CALN1: variants seen among roughly 807,000 people sequenced by gnomAD.
CALN1 encodes the protein calcium-binding protein 8.
Under a neutral mutation model 30.6 loss-of-function variants are expected in CALN1, and 17 were observed. The observed-to-expected ratio is 0.56, with a 90% CI of 0.38 to 0.83. The LOEUF is 0.83. Among genes scored for constraint, CALN1 ranks in the 40% least tolerant of loss-of-function variants. The pLI is 0.00. For missense variants in CALN1, 291 were observed against 354.9 expected (o/e 0.82, Z 1.45); for synonymous variants, 156 against 131.4 (o/e 1.19, Z -1.28).
chr7:72,450,989 G>A (rs569842804), upstream of CALN1, among the ~76,000 whole-genome samples: 34 of 152,026 alleles, frequency 2.2e-4, no homozygotes, highest in South Asian at 4.1e-4. Flanking sequence ...CCACCATGAC[G>A]GCCTTGTGGA....
intron 4 of CALN1, among the ~76,000 whole-genome samples, chr7:72,054,892 G>A (rs1803150676): frequency 6.6e-6 from 1 of 151,834 alleles, no homozygotes; most frequent in African/African-American, 2.4e-5. Flanking sequence ...CATGTGCTCT[G>A]GAAACTAAAA....
At chr7:71,922,824 A>G (rs1220349350) in intron 5 of CALN1, among the ~76,000 whole-genome samples, 1 of 141,374 alleles carries the variant, frequency 7.1e-6, no homozygotes, top group Non-Finnish European at 1.5e-5. Context: ...TATAATATAC[A>G]GAATATATAT....
intron 5 of CALN1, among the ~76,000 whole-genome samples, chr7:71,882,390 C>T (rs1371701368): frequency 6.6e-6 from 1 of 152,190 alleles, no homozygotes; most frequent in Non-Finnish European, 1.5e-5. Flanking sequence ...CCTTTAATCA[C>T]ATCGGCAAAT....
intron 5 of CALN1, among the ~76,000 whole-genome samples, chr7:71,887,070 T>C (rs1792953622): frequency 6.6e-6 from 1 of 151,938 alleles, no homozygotes. Flanking sequence ...GTCTAAATAA[T>C]GTTGCAAATG....
intron 4 of CALN1, among the ~76,000 whole-genome samples, chr7:72,076,042 C>T (rs979599222): frequency 1.3e-5 from 2 of 152,086 alleles, no homozygotes; most frequent in Admixed American, 1.3e-4. Context: ...ACTTCTTGAG[C>T]ACCTATGAAA....
intron 3 of CALN1, among the ~76,000 whole-genome samples, chr7:72,163,315 C>G (rs1046251682): frequency 5.8e-5 from 8 of 138,232 alleles, no homozygotes; most frequent in African/African-American, 2.2e-4. Context: ...CAACATTATT[C>G]AAGAAAAAGA....
the CALN1 span, among the ~76,000 whole-genome samples, chr7:72,455,623 G>A: frequency 6.6e-6 from 1 of 152,034 alleles, no homozygotes; most frequent in Non-Finnish European, 1.5e-5. Context: ...TCATCGTGAG[G>A]ACTGAGTTAC....
intron 3 of CALN1, among the ~76,000 whole-genome samples, chr7:72,274,382 C>A (rs772539611): frequency 6.6e-6 from 1 of 151,980 alleles, no homozygotes; most frequent in South Asian, 2.1e-4. Flanking sequence ...GTGGCACATG[C>A]CTGTAATCCT....
At chr7:72,047,202 T>A (rs1802526003) in intron 4 of CALN1, among the ~76,000 whole-genome samples, 1 of 152,094 alleles carries the variant, frequency 6.6e-6, no homozygotes, top group Non-Finnish European at 1.5e-5. Context: ...AGAAGAAAGG[T>A]TAAGAAACAC....
At chr7:72,140,114 T>C (rs1353908537) in intron 3 of CALN1, among the ~76,000 whole-genome samples, 1 of 151,674 alleles carries the variant, frequency 6.6e-6, no homozygotes, top group East Asian at 1.9e-4. Flanking sequence ...CTGCAATAAA[T>C]TTAAAAATTA....
At chr7:71,964,080 A>G (rs965298347) in intron 5 of CALN1, among the ~76,000 whole-genome samples, 1 of 152,238 alleles carries the variant, frequency 6.6e-6, no homozygotes, top group Non-Finnish European at 1.5e-5. Context: ...CCACACTGCT[A>G]TGTATGTACA....
chr7:72,087,747 G>A (rs1384948726), intron 4 of CALN1, among the ~76,000 whole-genome samples: 2 of 152,170 alleles, frequency 1.3e-5, no homozygotes, highest in Non-Finnish European at 2.9e-5. Context: ...GTATTGGAAG[G>A]CCATAGCCCA....
chr7:71,933,148 C>T (rs4719193), intron 5 of CALN1, among the ~76,000 whole-genome samples: 25,701 of 152,064 alleles, frequency 0.17, 2,236 homozygotes, highest in Middle Eastern at 0.22. Context: ...TGGGACTAGG[C>T]ATGTCCAAAA....
At chr7:72,410,107 T>C (rs1489900132) in intron 1 of CALN1, among the ~76,000 whole-genome samples, 1 of 152,140 alleles carries the variant, frequency 6.6e-6, no homozygotes, top group Non-Finnish European at 1.5e-5. Context: ...TGTAATGGGG[T>C]ACGAGTTGCT....
chr7:72,056,424 A>G (rs1803259372), intron 4 of CALN1, among the ~76,000 whole-genome samples: 1 of 152,184 alleles, frequency 6.6e-6, no homozygotes, highest in Non-Finnish European at 1.5e-5. Context: ...AACATAAAAA[A>G]TCGAATGGAA....
At chr7:72,292,998 C>G (rs1798600503) in intron 2 of CALN1, among the ~76,000 whole-genome samples, 1 of 151,976 alleles carries the variant, frequency 6.6e-6, no homozygotes, top group African/African-American at 2.4e-5. Flanking sequence ...TTCTGGGGGG[C>G]AGGGAGGTTC....
At chr7:72,132,838 A>G (rs1168445303) in intron 3 of CALN1, among the ~76,000 whole-genome samples, 1 of 152,096 alleles carries the variant, frequency 6.6e-6, no homozygotes, top group Non-Finnish European at 1.5e-5. Flanking sequence ...CTACGGACCA[A>G]TTTCGGTCTG....
chr7:71,788,868 C>T (rs913087354), intron 6 of CALN1, among the ~76,000 whole-genome samples: 1 of 152,058 alleles, frequency 6.6e-6, no homozygotes, highest in Non-Finnish European at 1.5e-5. Flanking sequence ...CCACGTTAGC[C>T]AGGATGATCT....
At chr7:71,814,527 A>G (rs997942533) in intron 5 of CALN1, among the ~76,000 whole-genome samples, 2 of 152,090 alleles carry the variant, frequency 1.3e-5, no homozygotes, top group Non-Finnish European at 2.9e-5. Context: ...AACAGGGTCT[A>G]TTATTTCCAG....
Sources: allele counts gnomAD v4.1 joint callset (sites outside exome capture counted in the v4.1 genomes callset), GRCh38; gene constraint gnomAD v4.1.1; transcripts MANE v1.5; gene names NCBI Gene and HGNC (gene_info 2026-07-23, HGNC 2026-07-21).